The following TSHZ3 variants were observed in gnomAD, a reference collection of about 807,000 sequenced individuals.
The protein encoded by TSHZ3 is teashirt zinc finger homeobox 3, also known as teashirt homolog 3.
A neutral mutation model predicts 64.5 loss-of-function variants in TSHZ3; 10 were observed. The ratio of observed to expected loss-of-function variants is 0.16; its 90% CI spans 0.10 to 0.26. The LOEUF (loss-of-function observed/expected upper bound fraction) is 0.26, where lower values mean the gene tolerates loss of function less well. Among genes scored for constraint, TSHZ3 ranks in the 10% least tolerant of loss-of-function variants. The probability of loss-of-function intolerance (pLI) is 1.00; values close to 1 mark genes in which losing one functional copy is unlikely to be tolerated. For missense variants in TSHZ3, 1,242 were observed against 1,421.7 expected (o/e 0.87, Z 2.03); for synonymous variants, 608 against 593.1 (o/e 1.03, Z -0.36).
chr19:31,349,550 T>C, upstream of TSHZ3: 1 of 237,910 alleles, frequency 4.2e-6, no homozygotes, highest in Middle Eastern at 1.3e-3. Flanking sequence ...ATGGGAAGTT[T>C]GACAAATCGC....
intron 1 of TSHZ3, among the ~76,000 whole-genome samples, chr19:31,296,291 C>T (rs1189744122): frequency 6.7e-6 from 1 of 149,974 alleles, no homozygotes; most frequent in Non-Finnish European, 1.5e-5. Context: ...GGAATGTTCA[C>T]AAGCACACCT....
At chr19:31,350,138 C>T (rs574201064), upstream of TSHZ3, among the ~76,000 whole-genome samples, 5 of 149,806 alleles carry the variant, frequency 3.3e-5, no homozygotes, top group African/African-American at 1.2e-4. Context: ...CCGGAGCCCC[C>T]AGCGTGGTCC....
At chr19:31,302,200 C>T (rs1568374552) in intron 1 of TSHZ3, among the ~76,000 whole-genome samples, 1 of 152,132 alleles carries the variant, frequency 6.6e-6, no homozygotes, top group Non-Finnish European at 1.5e-5. Flanking sequence ...CAGGAGTGAC[C>T]CCTCAGTGCA....
intron 1 of TSHZ3, among the ~76,000 whole-genome samples, chr19:31,308,924 GC>G (rs970351543): frequency 1.3e-5 from 2 of 152,214 alleles, no homozygotes; most frequent in Non-Finnish European, 2.9e-5. Context: ...ATTCCACGCC[GC>G]CTAACTTTTT....
rs141537979 is a variant in TSHZ3 at position 31,150,147 on chromosome 19, T to G, written n.2469A>C. 3.6e-4 allele frequency among the ~76,000 whole-genome samples: 55 copies of G among 152,298 alleles called. No homozygotes were observed. In the East Asian group the frequency reaches 7.7e-3, roughly 21 times the overall value. ...CATGCAAAATGTGATTTTTTTCCCC[T>G]TCTTTTGTGACCCTGGCCCTCAGCC... On this transcript the variant is annotated non_coding_transcript_exon_variant, in exon 7 of 7. Transcript: ENST00000651361.
chr19:31,228,096 C>T (rs1975493538), exon 4 of TSHZ3, among the ~76,000 whole-genome samples: 1 of 152,172 alleles, frequency 6.6e-6, no homozygotes, highest in African/African-American at 2.4e-5. Context: ...TCTTCTTAAA[C>T]TTCAAATCTG....
At chr19:31,214,840 G>A (rs575148888) in intron 4 of TSHZ3, among the ~76,000 whole-genome samples, 3 of 151,180 alleles carry the variant, frequency 2.0e-5, no homozygotes, top group South Asian at 2.1e-4. Flanking sequence ...CCCGGGAGGC[G>A]GAGCTTGCAG....
intron 5 of TSHZ3, among the ~76,000 whole-genome samples, chr19:31,171,242 C>T (rs866258800): frequency 6.6e-5 from 10 of 152,150 alleles, no homozygotes; most frequent in South Asian, 4.2e-4. Context: ...AGCTTGAAGG[C>T]GGTGTTACCA....
intron 5 of TSHZ3, among the ~76,000 whole-genome samples, chr19:31,192,795 T>A (rs1354957180): frequency 6.6e-6 from 1 of 152,194 alleles, no homozygotes; most frequent in Non-Finnish European, 1.5e-5. Flanking sequence ...GTGAAATATA[T>A]CCCTGGGGTA....
At chr19:31,321,425 T>A (rs529937329) in intron 1 of TSHZ3, among the ~76,000 whole-genome samples, 2 of 152,320 alleles carry the variant, frequency 1.3e-5, no homozygotes, top group East Asian at 3.9e-4. Context: ...CCAGAGACCG[T>A]TCCCCGTTGT....
chr19:31,308,718 A>C (rs1916367700), intron 1 of TSHZ3: 1 of 398,580 alleles, frequency 2.5e-6, no homozygotes, highest in Non-Finnish European at 4.4e-6. Flanking sequence ...GTCTGGAAAG[A>C]GAGAAAAACA....
intron 3 of TSHZ3, among the ~76,000 whole-genome samples, chr19:31,235,617 CTCTT>C (rs1399144004): frequency 9.5e-5 from 12 of 126,176 alleles, no homozygotes; most frequent in South Asian, 2.5e-4. Context: ...TCTTTCTTTC[CTCTT>C]TCTTTCTTTC....
chr19:31,248,164 G>A (rs1243045087), intron 1 of TSHZ3, among the ~76,000 whole-genome samples: 1 of 152,084 alleles, frequency 6.6e-6, no homozygotes, highest in Non-Finnish European at 1.5e-5. Flanking sequence ...TCTCCCACTG[G>A]GTCCTGCCTG....
chr19:31,182,355 A>T (rs1415700690), intron 5 of TSHZ3, among the ~76,000 whole-genome samples: 2 of 152,188 alleles, frequency 1.3e-5, no homozygotes, highest in Non-Finnish European at 1.5e-5. Flanking sequence ...AATCCCTCAG[A>T]CAATAATCCT....
rs956390401 is a variant in TSHZ3 at position 31,195,771 on chromosome 19, TTTGA to T, written n.809+9181_809+9184del. 2.9e-4 allele frequency: 44 copies of T among 152,180 alleles called. 1 individual carries two copies. The highest frequency in any genetic ancestry group is 1.0e-3 in the African/African-American group (43 of 41,562). The allele number at this position is 152,180 out of a possible 1,614,324, so 9.4% of individuals were successfully genotyped here. A position where few individuals can be genotyped will look rare whatever the true frequency, so the allele number is the denominator to read the frequency against. On this transcript the variant is annotated intron_variant and non_coding_transcript_variant, in intron 5 of 6. Coordinates refer to the TSHZ3 transcript ENST00000651361. ...TCAAAATAAAAATAGCAAAAATGTA[TTTGA>T]TTATGTATGTGTTTTTGTATACATG...
At chr19:31,237,339 A>G (rs1415919410) in intron 3 of TSHZ3, among the ~76,000 whole-genome samples, 3 of 152,146 alleles carry the variant, frequency 2.0e-5, no homozygotes, top group Non-Finnish European at 4.4e-5. Context: ...CCTTATGATA[A>G]TATTCCTCAT....
exon 7 of TSHZ3, among the ~76,000 whole-genome samples, chr19:31,151,452 T>C (rs952306872): frequency 1.3e-5 from 2 of 152,204 alleles, no homozygotes; most frequent in African/African-American, 4.8e-5. Flanking sequence ...CCCTTTCTTC[T>C]GACCTAGCCA....
At chr19:31,313,251 A>T (rs2068859473) in intron 1 of TSHZ3, among the ~76,000 whole-genome samples, 1 of 152,222 alleles carries the variant, frequency 6.6e-6, no homozygotes, top group African/African-American at 2.4e-5. Flanking sequence ...TCAGGTTTCT[A>T]TTAAAACCTC....
At chr19:31,230,244 G>A (rs1476906825) in intron 3 of TSHZ3, among the ~76,000 whole-genome samples, 2 of 152,060 alleles carry the variant, frequency 1.3e-5, no homozygotes, top group Admixed American at 1.3e-4. Context: ...TTCAGAAAAG[G>A]TTCACAATAT....
Sources: allele counts gnomAD v4.1 joint callset (sites outside exome capture counted in the v4.1 genomes callset), GRCh38; gene constraint gnomAD v4.1.1; transcripts MANE v1.5; gene names NCBI Gene and HGNC (gene_info 2026-07-23, HGNC 2026-07-21).